Variants in RAP1GAP2 observed in about 807,000 individuals in gnomAD.
The protein encoded by RAP1GAP2 is rap1 GTPase-activating protein 2.
RAP1GAP2 carries 27 observed loss-of-function variants against 95.0 expected under a neutral mutation model. That is an observed-to-expected ratio of 0.28 (90% CI 0.21 to 0.39). The LOEUF (loss-of-function observed/expected upper bound fraction) is 0.39, where lower values mean the gene tolerates loss of function less well. Ranked by LOEUF, RAP1GAP2 falls within the 10% of genes least tolerant of loss-of-function variation. The pLI, the probability that RAP1GAP2 is intolerant of heterozygous loss-of-function variation, is 1.00. For missense variants in RAP1GAP2, 771 were observed against 970.0 expected, an observed-to-expected ratio of 0.79 and a Z score of 2.72; for synonymous variants, 373 against 380.9, an observed-to-expected ratio of 0.98 and a Z score of 0.24.
At chr17:2,996,936 G>A (rs963778179) in intron 13 of RAP1GAP2, among the ~76,000 whole-genome samples, 1 of 152,214 alleles carries the variant, frequency 6.6e-6, no homozygotes, top group East Asian at 1.9e-4. Context: ...AGGAACAAAT[G>A]CATAGACAGG....
At chr17:2,961,925 G>A (rs1050352791) in intron 4 of RAP1GAP2, among the ~76,000 whole-genome samples, 1 of 146,796 alleles carries the variant, frequency 6.8e-6, no homozygotes, top group Non-Finnish European at 1.5e-5. Context: ...AATTTGAGAC[G>A]GAGTTTCGCT....
rs143040758 is a variant in RAP1GAP2, at chr17:2,822,129, C to T, written c.80+21579C>T. Among the ~76,000 whole-genome samples, 216 of 152,268 alleles carry T rather than the reference C, an allele frequency of 1.4e-3. 1 individual carries two copies. The highest frequency in any genetic ancestry group is 4.9e-3 in the African/African-American group (204 of 41,550). ...CTCCAGGGTTGCCCAATCCCATGGT[C>T]AGCACCCAGTTCAAGCATAATATGT... On this transcript the variant is annotated intron_variant, in intron 2 of 24. Transcript: ENST00000254695.
Position 2,915,834 on chromosome 17 carries a change from A to G in RAP1GAP2, c.165+10466A>G, listed in dbSNP as rs2042550415. ...TGCCTCAGCTTTTCGAATAGCTGGA[A>G]CTACAGGTGCCTGCCACCACACCTG... On this transcript the variant is annotated intron_variant, in intron 3 of 24. Transcript: ENST00000254695. Among the ~76,000 whole-genome samples the G allele has an allele frequency of 4.6e-5, 7 of 152,214 alleles. No homozygotes were observed. In the South Asian group the frequency reaches 1.5e-3, roughly 32 times the overall value.
chr17:2,815,645 C>A lies in RAP1GAP2; in HGVS notation c.80+15095C>A, dbSNP rs2069979426. Among the ~76,000 whole-genome samples, 3 of 152,140 alleles carry A rather than the reference C, an allele frequency of 2.0e-5. No homozygotes were observed. The South Asian group carries it at 6.2e-4, about 31-fold the overall frequency. On this transcript the variant is annotated intron_variant, in intron 2 of 24. Transcript: ENST00000254695. ...TACAGGCGCGCACCACCACGCCCAG[C>A]TAATTTTTGTATTTTTAGTAGAGAT...
intron 2 of RAP1GAP2, among the ~76,000 whole-genome samples, chr17:2,843,290 CTTT>C (rs753692076): frequency 2.8e-5 from 4 of 141,166 alleles, no homozygotes; most frequent in Non-Finnish European, 3.1e-5. Flanking sequence ...GTTAATTTCC[CTTT>C]TTTTTTTTTT....
In RAP1GAP2 at chr17:2,855,910, G is replaced by A. The variant is rs769811266; in HGVS notation, c.81-49374G>A. Among the ~76,000 whole-genome samples the A allele has an allele frequency of 2.0e-5, 3 of 152,200 alleles. No homozygotes were observed. Among genetic ancestry groups the A allele is most frequent in the Non-Finnish European group, 2.9e-5 (2 of 68,040 alleles). The stretch of plus-strand genomic sequence containing the variant: ...ATTACAGGCATGAGCCACCGTGCCC[G>A]GCTGAAGTGAATCTATTTAATAGAA... On this transcript the variant is annotated intron_variant, in intron 2 of 24. Coordinates refer to ENST00000254695, the MANE Select transcript of RAP1GAP2 (RefSeq NM_015085.5). The surrounding 1 kb of genome is among the most constrained non-coding windows in gnomAD (Gnocchi z 4.3).
intron 2 of RAP1GAP2, among the ~76,000 whole-genome samples, chr17:2,896,224 G>A (rs1265615735): frequency 1.3e-5 from 2 of 152,172 alleles, no homozygotes; most frequent in South Asian, 2.1e-4. Flanking sequence ...CCTGCAGGAT[G>A]GTTTTCTGCA....
chr17:2,923,285 G>T (rs368455117), intron 3 of RAP1GAP2, among the ~76,000 whole-genome samples: 1 of 149,686 alleles, frequency 6.7e-6, no homozygotes, highest in Non-Finnish European at 1.5e-5. Flanking sequence ...TGATCTGCCC[G>T]CCTCGGCCTC....
chr17:2,845,109 C>T, intron 2 of RAP1GAP2, among the ~76,000 whole-genome samples: 1 of 152,122 alleles, frequency 6.6e-6, no homozygotes, highest in East Asian at 1.9e-4. Context: ...AAGTTCTAGC[C>T]CAGAGGCACC....
rs369213952 is a variant in RAP1GAP2, at chr17:2,996,619, CT to C, written c.1044+1154del. On this transcript the variant is annotated intron_variant, in intron 13 of 24. Transcript: ENST00000254695. The stretch of plus-strand genomic sequence containing the variant: ...ATTCAACCTTTCACCTCCAGCCCCT[CT>C]GTTCCCTTATGGCCTCTCTCACCTG... Among the ~76,000 whole-genome samples the C allele has an allele frequency of 1.0e-3, 156 of 152,374 alleles. 1 individual carries two copies. Among genetic ancestry groups the C allele is most frequent in the African/African-American group, 3.6e-3 (150 of 41,590 alleles).
At chr17:2,941,962 C>T (rs1597673085) in intron 3 of RAP1GAP2, among the ~76,000 whole-genome samples, 1 of 152,082 alleles carries the variant, frequency 6.6e-6, no homozygotes, top group Non-Finnish European at 1.5e-5. Flanking sequence ...GGATGACAGG[C>T]GTGAGCCACT....
At chr17:2,959,444 G>C (rs992551770) in intron 4 of RAP1GAP2, among the ~76,000 whole-genome samples, 1 of 152,130 alleles carries the variant, frequency 6.6e-6, no homozygotes, top group Non-Finnish European at 1.5e-5. Context: ...GGGTGTTTAA[G>C]TCCCTACCAT....
chr17:2,763,076 G>A (rs568341937), intron 1 of RAP1GAP2, among the ~76,000 whole-genome samples: 2 of 152,086 alleles, frequency 1.3e-5, no homozygotes, highest in East Asian at 1.9e-4. Flanking sequence ...TCAGATACAC[G>A]GCAAGGTGAT....
At chr17:2,850,485 A>T (rs1278256950) in intron 2 of RAP1GAP2, among the ~76,000 whole-genome samples, 2 of 151,490 alleles carry the variant, frequency 1.3e-5, no homozygotes, top group African/African-American at 4.8e-5. Flanking sequence ...GCTGTGGCTC[A>T]TGCCTGTAAT....
Position 2,796,999 on chromosome 17 carries a change from G to A in RAP1GAP2, c.44+428G>A, listed in dbSNP as rs897232866. Reference sequence around the variant, plus strand: ...CCGTGTGACCGTGTGTGAGGTGTGTGCCTGTGCATGTGGGCAGCTGCCTGT... The same window carrying A: ...CCGTGTGACCGTGTGTGAGGTGTGTACCTGTGCATGTGGGCAGCTGCCTGT... On this transcript the variant is annotated intron_variant, in intron 1 of 24. Coordinates refer to ENST00000254695, the MANE Select transcript of RAP1GAP2 (RefSeq NM_015085.5). This position sits in a 1 kb window ranked among gnomAD's most constrained non-coding sequence, Gnocchi z 4.7. Among the ~76,000 whole-genome samples, 34 of 152,130 alleles carry A rather than the reference G, an allele frequency of 2.2e-4. No individual in the cohort carries two copies. Among genetic ancestry groups the A allele is most frequent in the African/African-American group, 6.8e-4 (28 of 41,418 alleles).
chr17:3,020,420 G>T, intron 18 of RAP1GAP2, 57 bp from the exon 19 acceptor site: 1 of 1,385,470 alleles, frequency 7.2e-7, no homozygotes. Flanking sequence ...GGAGGATGAG[G>T]GGATAGGAGA....
Position 2,992,850 on chromosome 17 carries a change from C to T in RAP1GAP2, c.914+1453C>T, listed in dbSNP as rs190425433. On this transcript the variant is annotated intron_variant, in intron 12 of 24. Transcript: ENST00000254695. The stretch of plus-strand genomic sequence containing the variant: ...CTGGGATAAAACCCCCGCTCCATCA[C>T]TTATTAGCTCTGTGACTTTGGATAA... 4.3e-4 allele frequency among the ~76,000 whole-genome samples: 66 copies of T among 152,242 alleles called. 1 individual carries two copies. The East Asian group carries it at 0.012, about 27-fold the overall frequency.
chr17:2,791,169 C>T (rs2068914812), intron 1 of RAP1GAP2, among the ~76,000 whole-genome samples: 1 of 152,168 alleles, frequency 6.6e-6, no homozygotes, highest in South Asian at 2.1e-4. Flanking sequence ...AGTGCCACTG[C>T]ACTCCAGCCT....
intron 3 of RAP1GAP2, among the ~76,000 whole-genome samples, chr17:2,939,235 ATGCGCCACC>A (rs2043401923): frequency 6.6e-6 from 1 of 152,112 alleles, no homozygotes; most frequent in Non-Finnish European, 1.5e-5. Context: ...GACTACAGGC[ATGCGCCACC>A]ATACCCAGCT....
Sources: allele counts gnomAD v4.1 joint callset (sites outside exome capture counted in the v4.1 genomes callset), GRCh38; gene constraint gnomAD v4.1.1; non-coding constraint Gnocchi (gnomAD v3.1); transcripts MANE v1.5; gene names NCBI Gene and HGNC (gene_info 2026-07-23, HGNC 2026-07-21).